The following FILIP1L variants were observed in gnomAD, a reference collection of about 807,000 sequenced individuals.
The protein encoded by FILIP1L is filamin A-interacting protein 1-like.
Under a neutral mutation model 96.6 loss-of-function variants are expected in FILIP1L, and 55 were observed. The observed-to-expected ratio is 0.57, with a 90% confidence interval of 0.46 to 0.71. The LOEUF is 0.71. Among genes scored for constraint, FILIP1L ranks in the 30% least tolerant of loss-of-function variants. FILIP1L has a pLI of 0.00. For missense variants in FILIP1L, 1,304 were observed against 1,321.2 expected (o/e 0.99, Z 0.20); for synonymous variants, 467 against 473.9 (o/e 0.99, Z 0.19).
At chr3:99,953,192 C>T (rs980317637) in intron 1 of FILIP1L, among the ~76,000 whole-genome samples, 7 of 152,058 alleles carry the variant, frequency 4.6e-5, no homozygotes, top group African/African-American at 1.7e-4. Context: ...TTTTCTACTT[C>T]CTCTGTGTTG....
intron 4 of FILIP1L, chr3:99,876,278 G>A (rs1027766217): frequency 5.4e-6 from 5 of 927,530 alleles, no homozygotes; most frequent in Non-Finnish European, 6.4e-6. Context: ...CGGTGACCGC[G>A]GGACCCTCGG....
intron 1 of FILIP1L, among the ~76,000 whole-genome samples, chr3:100,101,292 A>G (rs995828133): frequency 4.6e-5 from 7 of 152,186 alleles, no homozygotes; most frequent in African/African-American, 1.7e-4. Context: ...CCCACTGCCT[A>G]TGAGGAGAGG....
At chr3:99,873,486 T>G (rs1267533639) in intron 4 of FILIP1L, among the ~76,000 whole-genome samples, 1 of 152,202 alleles carries the variant, frequency 6.6e-6, no homozygotes, top group Non-Finnish European at 1.5e-5. Flanking sequence ...TCCTTTTTCC[T>G]TTAAATAGGA....
rs562641988 is a variant in FILIP1L at position 99,887,189 on chromosome 3, C to T, written c.606-36119G>A. Among the ~76,000 whole-genome samples, 3 of 152,012 alleles carry T rather than the reference C, an allele frequency of 2.0e-5. No homozygotes were observed. In the South Asian group the frequency reaches 6.2e-4, roughly 32 times the overall value. Reference sequence around the variant, plus strand: ...GAGGCTAACAGGAGAATCACTTGAACCCAGGAGGAGGAGGTCGCGGTTAGC... The same window carrying T: ...GAGGCTAACAGGAGAATCACTTGAATCCAGGAGGAGGAGGTCGCGGTTAGC... On this transcript the variant is annotated intron_variant, in intron 4 of 5. Coordinates refer to ENST00000477258, the MANE Select transcript of FILIP1L (RefSeq NM_001387850.1).
chr3:99,913,104 A>G (rs960406990), intron 4 of FILIP1L, among the ~76,000 whole-genome samples: 6 of 152,172 alleles, frequency 3.9e-5, no homozygotes, highest in South Asian at 2.1e-4. Flanking sequence ...GCGGTTTACA[A>G]CCCAGAAGAG....
At chr3:100,005,504 G>A (rs1412559083) in intron 1 of FILIP1L, among the ~76,000 whole-genome samples, 3 of 152,200 alleles carry the variant, frequency 2.0e-5, no homozygotes, top group African/African-American at 2.4e-5. Context: ...GAATTCTTAT[G>A]AAGTCTAGAT....
At chr3:100,009,846 C>T (rs1027558365) in intron 1 of FILIP1L, among the ~76,000 whole-genome samples, 3 of 152,144 alleles carry the variant, frequency 2.0e-5, no homozygotes, top group African/African-American at 7.2e-5. Flanking sequence ...TACGTGTCCA[C>T]GTTTTCAAAA....
intron 4 of FILIP1L, among the ~76,000 whole-genome samples, chr3:99,914,082 G>T (rs1409146595): frequency 6.6e-6 from 1 of 152,174 alleles, no homozygotes; most frequent in African/African-American, 2.4e-5. Context: ...AGGGAATTTG[G>T]CAAAGTGGGC....
intron 1 of FILIP1L, among the ~76,000 whole-genome samples, chr3:99,983,390 A>ATATG (rs1491200362): frequency 0.091 from 1,033 of 11,316 alleles, 57 homozygotes; most frequent in Non-Finnish European, 0.18. Flanking sequence ...AAATAAATAA[A>ATATG]TATATATATA....
At chr3:99,985,883 C>T (rs562205192) in intron 1 of FILIP1L, among the ~76,000 whole-genome samples, 20 of 152,206 alleles carry the variant, frequency 1.3e-4, no homozygotes, top group South Asian at 8.3e-4. Context: ...GCCACCGCAC[C>T]GGGCCTGAGA....
chr3:99,832,586 T>C (rs1942716057), intron 5 of FILIP1L, among the ~76,000 whole-genome samples: 1 of 140,206 alleles, frequency 7.1e-6, no homozygotes, highest in Admixed American at 7.0e-5. Context: ...CTCATACCTG[T>C]AATCCCAGCA....
chr3:99,987,639 A>G (rs150639981), intron 1 of FILIP1L, among the ~76,000 whole-genome samples: 90 of 152,274 alleles, frequency 5.9e-4, no homozygotes, highest in Admixed American at 1.8e-3. Context: ...AGAAAGCCAC[A>G]TGTCTGACAA....
chr3:100,111,593 G>C (rs2066492096), intron 1 of FILIP1L, among the ~76,000 whole-genome samples: 2 of 152,136 alleles, frequency 1.3e-5, no homozygotes, highest in Non-Finnish European at 2.9e-5. Context: ...CAGTAGGGCT[G>C]CTCTTTCAGT....
rs973544517 is a variant in FILIP1L, at chr3:100,027,642, A to G, written c.-11+86411T>C. ...TTTGTGCCTCAACATTGTTTTTCCC[A>G]AGGTATTGCTGTTTAGAATATGGAA... On this transcript the variant is annotated intron_variant, in intron 1 of 5. Transcript: ENST00000477258. Among the ~76,000 whole-genome samples, 3 of 152,134 alleles carry G rather than the reference A, an allele frequency of 2.0e-5. No homozygotes were observed. In the East Asian group the frequency reaches 5.8e-4, roughly 29 times the overall value.
chr3:99,859,958 A>G (rs1300019409), intron 4 of FILIP1L, among the ~76,000 whole-genome samples: 1 of 152,234 alleles, frequency 6.6e-6, no homozygotes, highest in African/African-American at 2.4e-5. Flanking sequence ...TTACAGCTAC[A>G]GCATACCATA....
At chr3:100,103,014 A>G (rs1047948486) in intron 1 of FILIP1L, among the ~76,000 whole-genome samples, 1 of 152,202 alleles carries the variant, frequency 6.6e-6, no homozygotes, top group Non-Finnish European at 1.5e-5. Context: ...GTGGAGGAAA[A>G]AAGTGTGAGG....
Position 99,964,950 on chromosome 3 carries a change from T to C in FILIP1L, c.-10-33920A>G, listed in dbSNP as rs200264437. On this transcript the variant is annotated intron_variant, in intron 1 of 5. Coordinates refer to ENST00000477258, the MANE Select transcript of FILIP1L (RefSeq NM_001387850.1). The stretch of plus-strand genomic sequence containing the variant: ...GCTTTAAGACTCTGTATAAAAATTG[T>C]TCTTCAAACCAAAAAGAAACATGAT... Among the ~76,000 whole-genome samples, 9 of 152,326 alleles carry C rather than the reference T, an allele frequency of 5.9e-5. 1 individual carries two copies. The East Asian group carries it at 1.7e-3, about 29-fold the overall frequency.
intron 1 of FILIP1L, among the ~76,000 whole-genome samples, chr3:100,034,611 A>T (rs2065076433): frequency 6.6e-6 from 1 of 152,220 alleles, no homozygotes; most frequent in Non-Finnish European, 1.5e-5. Context: ...CTTATCAGTA[A>T]AACTAAGCAG....
rs1474400125 is a variant in FILIP1L, at chr3:99,850,931, G to C, written c.745C>G (p.Leu249Val). 6.2e-7 allele frequency: 1 copy of C among 1,614,150 alleles called. No homozygotes were observed. The highest frequency in any genetic ancestry group is 1.1e-5 in the South Asian group (1 of 91,080). The part of the protein sequence containing the change: ...ALMVVDEQQR[L>V]TAQLTLQRQK... ...CTTTGAAGGGTGAGCTGTGCCGTCA[G>C]CCTTTGCTGTTCATCCACCACCATC... Residue 249 changes from leucine to valine, a missense_variant, in exon 5 of 6, where the codon CTG (leucine) becomes GTG (valine). By Grantham distance (32) the Leu-to-Val change is conservative (BLOSUM62 1). Transcript: ENST00000477258.
Sources: allele counts gnomAD v4.1 joint callset (sites outside exome capture counted in the v4.1 genomes callset), GRCh38; gene constraint gnomAD v4.1.1; transcripts MANE v1.5; gene names NCBI Gene and HGNC (gene_info 2026-07-23, HGNC 2026-07-21).